The following DOP1B variants were observed in gnomAD, a reference collection of about 807,000 sequenced individuals.
DOP1B encodes the protein DOP1 leucine zipper like protein B, also known as protein DOP1B.
In DOP1B, 174 loss-of-function variants were observed where a neutral mutation model predicts 233.5. The observed-to-expected ratio is 0.75, with a 90% CI of 0.66 to 0.85. DOP1B has a LOEUF of 0.85. Among genes scored for constraint, DOP1B ranks in the 40% least tolerant of loss-of-function variants. DOP1B has a pLI of 0.00. For missense variants in DOP1B, 2,652 were observed against 2,846.6 expected (o/e 0.93, Z 1.56); for synonymous variants, 1,190 against 1,185.6 (o/e 1.00, Z -0.08).
chr21:36,255,239 C>G (rs2067080482), intron 23 of DOP1B, among the ~76,000 whole-genome samples: 1 of 151,962 alleles, frequency 6.6e-6, no homozygotes, highest in African/African-American at 2.4e-5. Flanking sequence ...TCAAGTGATT[C>G]TTGTGTCTCA....
In DOP1B at chr21:36,212,080, T is replaced by G. The variant is rs1246665125; in HGVS notation, c.887T>G (p.Leu296Arg). The change falls in exon 7 of 37, where the codon CTG becomes CGG. Residue 296 changes from leucine to arginine, a missense_variant. Transcript: ENST00000691173. ...AGGGACATGTCCCTGAACAGAAGAC[T>G]GTATGCATGGTTACTAGGTACTGAG... ...LRRDMSLNRR[L>R]YAWLLGSDIK... The G allele has an allele frequency of 6.2e-7, 1 of 1,611,682 alleles. No homozygotes were observed. Among genetic ancestry groups the G allele is most frequent in the Non-Finnish European group, 8.5e-7 (1 of 1,179,260 alleles).
chr21:36,237,406 C>T lies in DOP1B; in HGVS notation c.2767C>T (p.Pro923Ser), dbSNP rs1305496419. 1 of 1,614,050 alleles carries T rather than the reference C, an allele frequency of 6.2e-7. No individual in the cohort carries two copies. The highest frequency in any genetic ancestry group is 8.5e-7 in the Non-Finnish European group (1 of 1,180,028). ...EDIICHALLD[P>S]DKGTRLEALF... ...CATCATCTGCCATGCCCTCCTGGAC[C>T]CTGACAAGGTGAGCCTTTCTGGCCG... Residue 923 changes from proline to serine, a missense_variant, in exon 16 of 37, where the codon CCT (proline) becomes TCT (serine). Pro to Ser is a moderately conservative substitution (Grantham distance 74). Transcript: ENST00000691173.
intron 2 of DOP1B, among the ~76,000 whole-genome samples, chr21:36,176,084 T>G (rs2066020932): frequency 7.0e-5 from 1 of 14,286 alleles, no homozygotes; most frequent in Non-Finnish European, 1.7e-4. Flanking sequence ...GCTTCGACTT[T>G]GGGGTGTGTG....
chr21:36,255,621 C>T (rs1006234805), intron 23 of DOP1B, among the ~76,000 whole-genome samples: 17 of 151,526 alleles, frequency 1.1e-4, no homozygotes, highest in Non-Finnish European at 1.8e-4. Context: ...TTTGTAGTGA[C>T]GGGGTTTGCC....
intron 14 of DOP1B, 86 bp downstream of exon 14, chr21:36,231,220 C>T: frequency 1.4e-6 from 2 of 1,453,392 alleles, no homozygotes; most frequent in Non-Finnish European, 1.8e-6. Flanking sequence ...ATCCACAATG[C>T]TAGGGACCAA....
At chr21:36,262,992 T>A (rs972629753) in intron 24 of DOP1B, among the ~76,000 whole-genome samples, 3 of 151,866 alleles carry the variant, frequency 2.0e-5, no homozygotes, top group African/African-American at 7.2e-5. Flanking sequence ...CCCAGCACTT[T>A]GGGAGGCCGA....
chr21:36,248,667 C>G (rs1442877917), intron 21 of DOP1B, 99 bp downstream of exon 21: 7 of 1,169,486 alleles, frequency 6.0e-6, no homozygotes, highest in Non-Finnish European at 8.0e-6. Flanking sequence ...AACAGATGTG[C>G]TCAATGAAAC....
intron 2 of DOP1B, among the ~76,000 whole-genome samples, chr21:36,171,972 G>A (rs2065975081): frequency 6.6e-6 from 1 of 152,210 alleles, no homozygotes; most frequent in South Asian, 2.1e-4. Flanking sequence ...AACTGGGGAA[G>A]TGGGGTATGG....
rs367589915 is a variant in DOP1B at position 36,158,820 on chromosome 21, A to C, written c.-27+1877A>C. Among the ~76,000 whole-genome samples the C allele has an allele frequency of 3.5e-3, 500 of 144,794 alleles. 4 individuals carry two copies. Among genetic ancestry groups the C allele is most frequent in the African/African-American group, 0.012 (488 of 40,282 alleles). 95.0% of individuals were successfully genotyped at this position (144,794 alleles called of 152,430 possible). Reference sequence around the variant, plus strand: ...CTTGTCTCAAAAAAAAAAAAAAAAGAAAAGAAAAAAGAAATGCATGCATAA... The same window carrying C: ...CTTGTCTCAAAAAAAAAAAAAAAAGCAAAGAAAAAAGAAATGCATGCATAA... On this transcript the variant is annotated intron_variant, in intron 1 of 36. Coordinates refer to ENST00000691173, the MANE Select transcript of DOP1B (RefSeq NM_001320714.2).
intron 26 of DOP1B, among the ~76,000 whole-genome samples, chr21:36,266,705 C>G (rs1301052777): frequency 6.6e-6 from 1 of 152,212 alleles, no homozygotes; most frequent in African/African-American, 2.4e-5. Context: ...ATCAATTTAA[C>G]CTTTAGCCCC....
intron 1 of DOP1B, among the ~76,000 whole-genome samples, chr21:36,157,145 G>C (rs1385217724): frequency 6.6e-6 from 1 of 152,066 alleles, no homozygotes; most frequent in African/African-American, 2.4e-5. Flanking sequence ...CAGTGCGGGG[G>C]CGGAGAGCTC....
intron 2 of DOP1B, among the ~76,000 whole-genome samples, chr21:36,184,254 G>T (rs2066136862): frequency 1.3e-5 from 2 of 152,044 alleles, no homozygotes; most frequent in Non-Finnish European, 2.9e-5. Flanking sequence ...TCACCATGTT[G>T]GTCAGGCTGG....
intron 9 of DOP1B, among the ~76,000 whole-genome samples, chr21:36,218,951 G>T (rs141664287): frequency 6.6e-6 from 1 of 152,166 alleles, no homozygotes; most frequent in Non-Finnish European, 1.5e-5. Context: ...GTTGAGTAAC[G>T]TCCCTGGCCA....
Position 36,277,005 on chromosome 21 carries a change from CTCTT to C in DOP1B, c.5633-12_5633-9del. Reference sequence around the variant, plus strand: ...TCCATCATAGTTAACATACAAATGGCTCTTTCTGTTCACAGATGCTGCTGCAGCT... The same window carrying C: ...TCCATCATAGTTAACATACAAATGGCTCTGTTCACAGATGCTGCTGCAGCT... On this transcript the variant is annotated splice_polypyrimidine_tract_variant and intron_variant, in intron 27 of 36. Transcript: ENST00000691173. 1 of 1,613,630 alleles carries C rather than the reference CTCTT, an allele frequency of 6.2e-7. No homozygotes were observed. The highest frequency in any genetic ancestry group is 8.5e-7 in the Non-Finnish European group (1 of 1,179,750).
rs1157733814 is a variant in DOP1B at position 36,289,050 on chromosome 21, C to T, written c.6359C>T (p.Thr2120Ile). 4 of 1,611,562 alleles carry T rather than the reference C, an allele frequency of 2.5e-6. No individual in the cohort carries two copies. The highest frequency in any genetic ancestry group is 1.7e-5 in the Admixed American group (1 of 59,224). The change falls in exon 35 of 37, where the codon ACC (threonine) becomes ATC (isoleucine). Residue 2120 changes from threonine (T) to isoleucine (I), a missense_variant. Transcript: ENST00000691173. The stretch of plus-strand genomic sequence containing the variant: ...GTTTCTTTGCAAATTTATAGAAGCA[C>T]CAACAAAGTAAACAGAACGAAAGTT... ...LKDEDESLRS[T>I]NKVNRTKVSV...
In DOP1B at chr21:36,201,091, G is replaced by A. The variant is rs1404366488; in HGVS notation, c.491+590G>A. 3.3e-5 allele frequency among the ~76,000 whole-genome samples: 5 copies of A among 152,134 alleles called. No individual in the cohort carries two copies. In the South Asian group the frequency reaches 6.2e-4, roughly 19 times the overall value. ...TTCCCATGATGTCCTGTCCCGTTAC[G>A]GAGTTACCCACAGAGTCACCATGTG... On this transcript the variant is annotated intron_variant, in intron 4 of 36. Coordinates refer to ENST00000691173, the MANE Select transcript of DOP1B (RefSeq NM_001320714.2).
intron 1 of DOP1B, among the ~76,000 whole-genome samples, chr21:36,159,407 C>T (rs889488082): frequency 5.3e-5 from 8 of 152,052 alleles, no homozygotes; most frequent in African/African-American, 1.7e-4. Context: ...GTTGAGATCG[C>T]GCCATTGCAC....
chr21:36,208,837 G>C lies in DOP1B; in HGVS notation c.614G>C (p.Gly205Ala), dbSNP rs1465066449. ...IRLPASVFVV[G>A]HINRDAPGRE... is the part of the protein sequence containing the mutation. ...CTCCCTGCCTCAGTCTTCGTGGTGG[G>C]CCACATCAACAGGGATGCCCCCGGC... The change falls in exon 5 of 37, where the codon GGC becomes GCC. Residue 205 changes from glycine to alanine, a missense_variant. By Grantham distance (60) the Gly-to-Ala change is moderately conservative. Coordinates refer to ENST00000691173, the MANE Select transcript of DOP1B (RefSeq NM_001320714.2). 1 of 1,598,068 alleles carries C rather than the reference G, an allele frequency of 6.3e-7. No individual in the cohort carries two copies. The highest frequency in any genetic ancestry group is 8.5e-7 in the Non-Finnish European group (1 of 1,172,390).
Position 36,246,431 on chromosome 21 carries a change from C to T in DOP1B, c.4451C>T (p.Ala1484Val), listed in dbSNP as rs934010995. 8.7e-6 allele frequency: 14 copies of T among 1,613,466 alleles called. No individual in the cohort carries two copies. Among genetic ancestry groups the T allele is most frequent in the Non-Finnish European group, 1.2e-5 (14 of 1,179,878 alleles). Residue 1484 changes from alanine to valine, a missense_variant, in exon 19 of 37, where the codon GCC becomes GTC. This residue lies in a region of DOP1B where 2,617 missense variants were observed against 2,794.3 expected (regional missense o/e 0.94). Coordinates refer to ENST00000691173, the MANE Select transcript of DOP1B (RefSeq NM_001320714.2). The surrounding 1 kb of genome is among the most constrained non-coding windows in gnomAD (Gnocchi z 5.1). ...CTGAACTTCCAGCAGGCCATCAGCGCCCTGCAGTACGTGCAGCCCCACCCC... is the reference window on the plus strand; with the variant it reads ...CTGAACTTCCAGCAGGCCATCAGCGTCCTGCAGTACGTGCAGCCCCACCCC... ...RALNFQQAIS[A>V]LQYVQPHPLT...
Sources: allele counts gnomAD v4.1 joint callset (sites outside exome capture counted in the v4.1 genomes callset), GRCh38; gene constraint gnomAD v4.1.1; regional missense constraint gnomAD v4.1.1; non-coding constraint Gnocchi (gnomAD v3.1); transcripts MANE v1.5; gene names NCBI Gene and HGNC (gene_info 2026-07-23, HGNC 2026-07-21).